The following AOX1 variants were observed in gnomAD, a reference collection of about 807,000 sequenced individuals.
AOX1 encodes aldehyde oxidase 1.
AOX1 carries 153 observed loss-of-function variants against 169.5 expected under a neutral mutation model. That is an observed-to-expected ratio of 0.90 (90% CI 0.79 to 1.03). The LOEUF (loss-of-function observed/expected upper bound fraction) is 1.03. AOX1 is among the 50% of genes least tolerant of loss of function. The probability of loss-of-function intolerance (pLI) is 0.00; values close to 1 mark genes in which losing one functional copy is unlikely to be tolerated. For synonymous variants in AOX1, 562 were observed against 581.9 expected (o/e 0.97, Z 0.49); for missense variants, 1,656 against 1,663.9 (o/e 1.00, Z 0.08).
Position 200,666,753 on chromosome 2 carries a change from G to A in AOX1, c.3609+1G>A. 1 of 1,609,786 alleles carries A rather than the reference G, an allele frequency of 6.2e-7. No individual in the cohort carries two copies. Among genetic ancestry groups the A allele is most frequent in the Non-Finnish European group, 8.5e-7 (1 of 1,178,226 alleles). On this transcript the variant is annotated splice_donor_variant, in intron 32 of 34. Transcript: ENST00000374700. LOFTEE classifies it high-confidence loss of function. ...AAATCCAGCCATTGACATAGGCCAG[G>A]TACGTGTAACTGATGTGTCTCACTT... is the stretch of plus-strand genomic sequence containing the variant.
At chr2:200,586,740 G>A (rs1376007384) in intron 1 of AOX1, among the ~76,000 whole-genome samples, 1 of 152,192 alleles carries the variant, frequency 6.6e-6, no homozygotes, top group Non-Finnish European at 1.5e-5. Flanking sequence ...TCAGGCTCTG[G>A]GGGCTCCAAG....
rs1321893869 is a variant in AOX1 at position 200,651,126 on chromosome 2, T to C, written c.3000T>C (p.Asn1000=). 1.2e-6 allele frequency: 2 copies of C among 1,614,162 alleles called. No individual in the cohort carries two copies. The highest frequency in any genetic ancestry group is 4.5e-5 in the East Asian group (2 of 44,872). Residue 1000 remains asparagine, a synonymous_variant, in exon 26 of 35, where the codon AAT becomes AAC. Coordinates refer to ENST00000374700, the MANE Select transcript of AOX1 (RefSeq NM_001159.4). ...KVAVEKFNAE[N]YWKKKGLAMV... is the part of the protein sequence containing the mutation. ...CTGTGGAAAAGTTCAATGCAGAGAATTATTGGAAGAAGAAAGGACTGGCCA... is the reference window on the plus strand; with the variant it reads ...CTGTGGAAAAGTTCAATGCAGAGAACTATTGGAAGAAGAAAGGACTGGCCA...
chr2:200,656,589 C>T (rs1411496348), intron 26 of AOX1, among the ~76,000 whole-genome samples: 1 of 151,942 alleles, frequency 6.6e-6, no homozygotes, highest in Non-Finnish European at 1.5e-5. Context: ...CTGGGACATG[C>T]CTACAACTAT....
At chr2:200,616,103 G>A (rs370186223) in intron 16 of AOX1, 40 bp downstream of exon 16, 10 of 1,451,106 alleles carry the variant, frequency 6.9e-6, no homozygotes, top group Non-Finnish European at 9.7e-6. Flanking sequence ...CACAATCTGG[G>A]CTATAGTGAT....
At position 200,671,350 on chromosome 2, in the gene AOX1, A is replaced by G. The variant is rs1352329438; in HGVS notation, c.*671A>G. On this transcript the variant is annotated 3_prime_UTR_variant, in exon 35 of 35. Coordinates refer to ENST00000374700, the MANE Select transcript of AOX1 (RefSeq NM_001159.4). ...AATAAAAGGCAAGTAATTTAAAAATAGGCAAAAGAATTGCTGGATGGTATG... is the reference window on the plus strand; with the variant it reads ...AATAAAAGGCAAGTAATTTAAAAATGGGCAAAAGAATTGCTGGATGGTATG... 1 of 152,260 alleles carries G rather than the reference A, an allele frequency of 6.6e-6. No individual in the cohort carries two copies. Among genetic ancestry groups the G allele is most frequent in the African/African-American group, 2.4e-5 (1 of 41,472 alleles). The allele number at this position is 152,260 out of a possible 1,614,324, so 9.4% of individuals were successfully genotyped here.
intron 25 of AOX1, among the ~76,000 whole-genome samples, chr2:200,650,387 G>A (rs1045546709): frequency 6.6e-6 from 1 of 152,186 alleles, no homozygotes; most frequent in African/African-American, 2.4e-5. Context: ...AGTGCTATGA[G>A]TTTTCTCAGC....
intron 20 of AOX1, among the ~76,000 whole-genome samples, chr2:200,634,051 G>C (rs1315714915): frequency 6.6e-6 from 1 of 151,282 alleles, no homozygotes; most frequent in Admixed American, 6.6e-5. Context: ...TGGGGCTGCA[G>C]TTTTTTTCAT....
intron 1 of AOX1, among the ~76,000 whole-genome samples, chr2:200,588,769 G>A (rs2034101700): frequency 2.7e-5 from 2 of 74,794 alleles, no homozygotes. Flanking sequence ...TCACTCTGTT[G>A]CCTCCTGAGT....
In AOX1 at chr2:200,670,652, C is replaced by T. The variant is rs1427547574; in HGVS notation, c.3990C>T (p.Ser1330=). ...AGATTCCGAGAGATGAACCTGGATCCTACGTTCCTTGGAATGTACCCATCT... is the reference window on the plus strand; with the variant it reads ...AGATTCCGAGAGATGAACCTGGATCTTACGTTCCTTGGAATGTACCCATCT... The part of the protein sequence containing the change: ...TKMIPRDEPG[S]YVPWNVPI The change falls in exon 35 of 35, where the codon TCC becomes TCT. Residue 1330 remains serine (S), a synonymous_variant. Transcript: ENST00000374700. The T allele has an allele frequency of 1.2e-5, 19 of 1,612,730 alleles. No homozygotes were observed. The highest frequency in any genetic ancestry group is 1.5e-5 in the Non-Finnish European group (18 of 1,179,526).
intron 4 of AOX1, among the ~76,000 whole-genome samples, chr2:200,676,579 GACAGAGTGAGACT>G (rs972422939): frequency 2.1e-5 from 3 of 142,714 alleles, no homozygotes; most frequent in Non-Finnish European, 4.5e-5. Context: ...CAGCCTGGGT[GACAGAGTGAGACT>G]ACATCTCAAA....
chr2:200,638,695 G>T (rs10432435), intron 23 of AOX1, among the ~76,000 whole-genome samples: 12,496 of 152,062 alleles, frequency 0.082, 964 homozygotes, highest in East Asian at 0.29. Context: ...TTTGTAAATG[G>T]GTTCCTCATT....
At chr2:200,618,531 T>C (rs2034816676) in intron 16 of AOX1, among the ~76,000 whole-genome samples, 1 of 152,000 alleles carries the variant, frequency 6.6e-6, no homozygotes, top group Non-Finnish European at 1.5e-5. Flanking sequence ...GAAAATAATA[T>C]GGTTTTTTTA....
chr2:200,613,929 A>C lies in AOX1; in HGVS notation c.1574A>C (p.Lys525Thr), dbSNP rs144299786. The change falls in exon 15 of 35, where the codon AAG becomes ACG. Residue 525 changes from lysine (K) to threonine (T), a missense_variant. By Grantham distance (78) the Lys-to-Thr change is moderately conservative (BLOSUM62 -1). Coordinates refer to ENST00000374700, the MANE Select transcript of AOX1 (RefSeq NM_001159.4). ...KRTLIISFLFKFYLEVSQILK... is the reference protein window; with the variant it reads ...KRTLIISFLFTFYLEVSQILK... ...ACTCTCATCATCAGCTTCCTCTTCA[A>C]GTTCTACCTGGAAGTGTCACAGATT... is the stretch of plus-strand genomic sequence containing the variant. 1.9e-6 allele frequency: 3 copies of C among 1,612,492 alleles called. No homozygotes were observed. In the East Asian group the frequency reaches 6.7e-5, roughly 36 times the overall value.
At chr2:200,601,328 T>C (rs2034409739) in intron 5 of AOX1, among the ~76,000 whole-genome samples, 1 of 152,146 alleles carries the variant, frequency 6.6e-6, no homozygotes, top group African/African-American at 2.4e-5. Flanking sequence ...CAAAGATGTA[T>C]TCGTCAAAGG....
rs758532219 is a variant in AOX1, at chr2:200,669,678, C to T, written c.3902C>T (p.Thr1301Ile). ...GAGAGAGGCCTGCATGGACCCTTGA[C>T]CCTTAATAGTCCACTGACCCCGGAG... ...RQERGLHGPL[T>I]LNSPLTPEKI... is the part of the protein sequence containing the mutation. The change falls in exon 34 of 35, where the codon ACC becomes ATC. Residue 1301 changes from threonine to isoleucine, a missense_variant. Physicochemically the swap from Thr to Ile is moderately conservative, Grantham distance 89 (BLOSUM62 -1). Coordinates refer to ENST00000374700, the MANE Select transcript of AOX1 (RefSeq NM_001159.4). 6.2e-7 allele frequency: 1 copy of T among 1,613,686 alleles called. No individual in the cohort carries two copies. The highest frequency in any genetic ancestry group is 8.5e-7 in the Non-Finnish European group (1 of 1,179,968).
intron 1 of AOX1, among the ~76,000 whole-genome samples, chr2:200,586,980 G>A (rs2034049877): frequency 6.6e-6 from 1 of 152,134 alleles, no homozygotes; most frequent in Non-Finnish European, 1.5e-5. Context: ...GGAAGGTTAA[G>A]GAGCTCCCTT....
rs185066927 is a variant in AOX1, at chr2:200,642,606, C to T, written c.2656-4C>T. The stretch of plus-strand genomic sequence containing the variant: ...TTAATCACATCAACTCTGGATTTCT[C>T]CAGGTGATAGAAATGGGACTTCTGA... On this transcript the variant is annotated splice_region_variant and splice_polypyrimidine_tract_variant and intron_variant, in intron 24 of 34. Transcript: ENST00000374700. 6,671 of 1,613,166 alleles carry T rather than the reference C, an allele frequency of 4.1e-3. 17 individuals carry two copies. The highest frequency in any genetic ancestry group is 5.2e-3 in the Non-Finnish European group (6,079 of 1,179,214).
Position 200,642,816 on chromosome 2 carries a change from G to A in AOX1, c.2847+15G>A. The A allele has an allele frequency of 6.2e-7, 1 of 1,603,356 alleles. No individual in the cohort carries two copies. Among genetic ancestry groups the A allele is most frequent in the Non-Finnish European group, 8.5e-7 (1 of 1,173,348 alleles). On this transcript the variant is annotated intron_variant, in intron 25 of 34. Transcript: ENST00000374700. ...CCCCTGAGAAGGTAATACTAAATCA[G>A]CTTCACAGACAAAACATGTGGAATG... is the stretch of plus-strand genomic sequence containing the variant.
intron 6 of AOX1, 75 bp downstream of exon 6, chr2:200,602,420 G>T: frequency 1.5e-6 from 2 of 1,315,332 alleles, no homozygotes; most frequent in South Asian, 1.2e-5. Flanking sequence ...CAGTGATTAG[G>T]GGGGCAGCCA....
Sources: gnomAD v4.1 joint callset for allele counts (sites outside exome capture counted in the v4.1 genomes callset) on GRCh38, gnomAD v4.1.1 for gene constraint, MANE v1.5 for transcripts, NCBI Gene and HGNC (gene_info 2026-07-23, HGNC 2026-07-21) for gene names.